SLIT2: variants seen among roughly 807,000 people sequenced by gnomAD.
SLIT2 encodes the protein slit homolog 2 protein.
In SLIT2, 41 loss-of-function variants were observed where a neutral mutation model predicts 185.7. The ratio of observed to expected loss-of-function variants is 0.22; its 90% CI spans 0.17 to 0.29. The LOEUF is 0.29. Ranked by LOEUF, SLIT2 falls within the 10% of genes least tolerant of loss-of-function variation. The pLI is 1.00. For synonymous variants in SLIT2, 693 were observed against 680.2 expected, an observed-to-expected ratio of 1.02 and a Z score of -0.29; for missense variants, 1,571 against 1,909.0, an observed-to-expected ratio of 0.82 and a Z score of 3.30.
intron 9 of SLIT2, among the ~76,000 whole-genome samples, chr4:20,503,715 G>T (rs569736293): frequency 2.6e-5 from 4 of 152,266 alleles, no homozygotes; most frequent in Admixed American, 2.0e-4. Flanking sequence ...AATGCTTAAA[G>T]ACCAAATGGA....
rs141591065 is a variant in SLIT2, at chr4:20,264,691, G to C, written c.324-4119G>C. Among the ~76,000 whole-genome samples the C allele has an allele frequency of 5.4e-3, 828 of 151,956 alleles. 6 individuals are homozygous for C. Among genetic ancestry groups the C allele is most frequent in the African/African-American group, 0.018 (761 of 41,490 alleles). On this transcript the variant is annotated intron_variant, in intron 3 of 36. Coordinates refer to ENST00000504154, the MANE Select transcript of SLIT2 (RefSeq NM_004787.4). Reference sequence around the variant, plus strand: ...GTGTTTCAGAGGCCAGTGGTGTTTTGTGCAATGCAGAAAGATCATTCTCTC... The same window carrying C: ...GTGTTTCAGAGGCCAGTGGTGTTTTCTGCAATGCAGAAAGATCATTCTCTC...
At chr4:20,446,625 G>A (rs1487548443) in intron 4 of SLIT2, among the ~76,000 whole-genome samples, 2 of 152,138 alleles carry the variant, frequency 1.3e-5, no homozygotes, top group East Asian at 1.9e-4. Flanking sequence ...GCAAATTAAG[G>A]AGAAATAAAA....
chr4:20,567,305 A>G lies in SLIT2; in HGVS notation c.2769A>G (p.Leu923=). 3 of 1,612,608 alleles carry G rather than the reference A, an allele frequency of 1.9e-6. No individual in the cohort carries two copies. The highest frequency in any genetic ancestry group is 1.3e-5 in the African/African-American group (1 of 74,962). The part of the protein sequence containing the change: ...VNILAKCNPC[L]SNPCKNDGTC... The stretch of plus-strand genomic sequence containing the variant: ...TTCTAGCTAAGTGTAACCCCTGCCT[A>G]TCAAATCCGTGTAAAAATGATGGCA... Residue 923 remains leucine (L), a synonymous_variant, in exon 27 of 37, where the codon CTA becomes CTG. Coordinates refer to ENST00000504154, the MANE Select transcript of SLIT2 (RefSeq NM_004787.4).
At position 20,484,996 on chromosome 4, in the gene SLIT2, C is replaced by A. The variant is rs1426988146; in HGVS notation, c.540-1204C>A. 6.6e-6 allele frequency among the ~76,000 whole-genome samples: 1 copy of A among 152,104 alleles called. No individual in the cohort carries two copies. Among genetic ancestry groups the A allele is most frequent in the African/African-American group, 2.4e-5 (1 of 41,442 alleles). On this transcript the variant is annotated intron_variant, in intron 6 of 36. Coordinates refer to ENST00000504154, the MANE Select transcript of SLIT2 (RefSeq NM_004787.4). This position sits in a 1 kb window ranked among gnomAD's most constrained non-coding sequence, Gnocchi z 4.3. ...TCAGGCCCTGCAGTGAACTTGCAAC[C>A]CCTAATTCAAATCCTTGTCCAGTAT...
chr4:20,605,704 T>TTA (rs201821306), intron 33 of SLIT2, among the ~76,000 whole-genome samples: 8,942 of 147,572 alleles, frequency 0.061, 376 homozygotes, highest in Admixed American at 0.12. Context: ...TGCTTTTATT[T>TTA]TATTTTATAT....
At chr4:20,470,638 C>T (rs1714893686) in intron 5 of SLIT2, among the ~76,000 whole-genome samples, 1 of 151,886 alleles carries the variant, frequency 6.6e-6, no homozygotes, top group Non-Finnish European at 1.5e-5. Flanking sequence ...TGCAGTGGCA[C>T]AATCTCAGCT....
chr4:20,380,154 G>A lies in SLIT2; in HGVS notation c.396-87598G>A, dbSNP rs543316173. On this transcript the variant is annotated intron_variant, in intron 4 of 36. Coordinates refer to ENST00000504154, the MANE Select transcript of SLIT2 (RefSeq NM_004787.4). ...CAGCAATAGGACAAAACCCTTTTAT[G>A]CAAGACAGCAGGTAGAGTCCTCAGA... Among the ~76,000 whole-genome samples, 58 of 152,218 alleles carry A rather than the reference G, an allele frequency of 3.8e-4. No homozygotes were observed. In the South Asian group the frequency reaches 0.012, roughly 32 times the overall value.
At chr4:20,457,769 C>T (rs1236054942) in intron 4 of SLIT2, among the ~76,000 whole-genome samples, 2 of 152,100 alleles carry the variant, frequency 1.3e-5, no homozygotes, top group East Asian at 3.9e-4. Context: ...CACATACTGC[C>T]TTCATAAATA....
intron 34 of SLIT2, among the ~76,000 whole-genome samples, chr4:20,610,895 G>A (rs73255312): frequency 6.6e-6 from 1 of 152,290 alleles, no homozygotes; most frequent in Non-Finnish European, 1.5e-5. Context: ...GTGAATAAAT[G>A]AGGGACAGAG....
intron 4 of SLIT2, among the ~76,000 whole-genome samples, chr4:20,380,940 C>T (rs1304509149): frequency 6.6e-6 from 1 of 152,012 alleles, no homozygotes; most frequent in African/African-American, 2.4e-5. Flanking sequence ...ATGAAGAAAA[C>T]CATAACCAAA....
intron 11 of SLIT2, among the ~76,000 whole-genome samples, chr4:20,513,135 C>T (rs1229030501): frequency 6.6e-6 from 1 of 152,176 alleles, no homozygotes; most frequent in Non-Finnish European, 1.5e-5. Context: ...GATGAGAGCA[C>T]TCACGCACAC....
chr4:20,425,831 G>T (rs190732617), intron 4 of SLIT2, among the ~76,000 whole-genome samples: 2 of 152,190 alleles, frequency 1.3e-5, no homozygotes, highest in Non-Finnish European at 2.9e-5. Flanking sequence ...AAACTCAAGT[G>T]TAGCATTATT....
intron 4 of SLIT2, among the ~76,000 whole-genome samples, chr4:20,317,831 A>G (rs1157925903): frequency 6.6e-6 from 1 of 152,112 alleles, no homozygotes; most frequent in Non-Finnish European, 1.5e-5. Context: ...TTAGAGGATA[A>G]AAGAACAAAT....
intron 26 of SLIT2, among the ~76,000 whole-genome samples, chr4:20,558,197 T>C (rs1192207493): frequency 2.0e-5 from 3 of 152,078 alleles, no homozygotes; most frequent in Non-Finnish European, 4.4e-5. Flanking sequence ...GAAAAAATGT[T>C]CTACTGTGGA....
intron 4 of SLIT2, among the ~76,000 whole-genome samples, chr4:20,370,372 A>G (rs1186845169): frequency 3.3e-5 from 5 of 152,114 alleles, no homozygotes; most frequent in Non-Finnish European, 7.3e-5. Flanking sequence ...GAGGCGGCCA[A>G]TGCCTCTGGT....
intron 33 of SLIT2, among the ~76,000 whole-genome samples, chr4:20,602,135 A>G (rs1265082485): frequency 6.6e-6 from 1 of 152,240 alleles, no homozygotes; most frequent in Non-Finnish European, 1.5e-5. Flanking sequence ...CAGTATGAAG[A>G]CAATTATTTT....
chr4:20,441,678 G>T (rs1251734072), intron 4 of SLIT2, among the ~76,000 whole-genome samples: 1 of 152,042 alleles, frequency 6.6e-6, no homozygotes, highest in Non-Finnish European at 1.5e-5. Flanking sequence ...GGCCCTTGGG[G>T]TTTGCTCGGA....
intron 4 of SLIT2, among the ~76,000 whole-genome samples, chr4:20,437,691 T>A (rs1384049875): frequency 1.3e-5 from 2 of 151,458 alleles, no homozygotes; most frequent in Non-Finnish European, 2.9e-5. Context: ...GGCGGGCGGA[T>A]CACGAGGTCA....
intron 4 of SLIT2, among the ~76,000 whole-genome samples, chr4:20,306,897 C>T (rs1462978156): frequency 6.6e-6 from 1 of 152,006 alleles, no homozygotes; most frequent in African/African-American, 2.4e-5. Flanking sequence ...AATTATAGTA[C>T]TTAATTTTCT....
Sources: allele counts gnomAD v4.1 joint callset (sites outside exome capture counted in the v4.1 genomes callset), GRCh38; gene constraint gnomAD v4.1.1; non-coding constraint Gnocchi (gnomAD v3.1); transcripts MANE v1.5; gene names NCBI Gene and HGNC (gene_info 2026-07-23, HGNC 2026-07-21).